Variants in NOMO3 observed in about 807,000 individuals in gnomAD.
NOMO3 encodes BOS complex subunit NOMO3.
A neutral mutation model predicts 69.9 loss-of-function variants in NOMO3; 15 were observed. That is an observed-to-expected ratio of 0.21 (90% CI 0.14 to 0.33). The LOEUF (loss-of-function observed/expected upper bound fraction) is 0.33, where lower values mean the gene tolerates loss of function less well. Ranked by LOEUF, NOMO3 falls within the 10% of genes least tolerant of loss-of-function variation. The pLI is 1.00. For synonymous variants in NOMO3, 89 were observed against 301.9 expected, an observed-to-expected ratio of 0.29 and a Z score of 7.31; for missense variants, 218 against 761.0, an observed-to-expected ratio of 0.29 and a Z score of 8.39.
intron 16 of NOMO3, among the ~76,000 whole-genome samples, chr16:16,269,131 C>A (rs2049642499): frequency 6.9e-6 from 1 of 144,142 alleles, no homozygotes; most frequent in Admixed American, 6.7e-5. Flanking sequence ...GGCCTTCTTA[C>A]CCATCAGTTC....
rs748173351 is a variant in NOMO3 at position 16,265,194 on chromosome 16, T to A, written c.1806+15T>A. 6.3e-7 allele frequency: 1 copy of A among 1,588,128 alleles called. No homozygotes were observed. The highest frequency in any genetic ancestry group is 1.6e-5 in the African/African-American group (1 of 61,750). On this transcript the variant is annotated intron_variant, in intron 15 of 30. Transcript: ENST00000399336. ...CCATCACTCTGGTATGTACGGCTTATGGAGTCTCTTATTTGGAAAAGCGCT... is the reference window on the plus strand; with the variant it reads ...CCATCACTCTGGTATGTACGGCTTAAGGAGTCTCTTATTTGGAAAAGCGCT...
At chr16:16,263,052 C>T (rs201790328) in intron 12 of NOMO3, 22 bp from the exon 13 acceptor site, 38,026 of 1,577,750 alleles carry the variant, frequency 0.024, 1,138 homozygotes, top group Non-Finnish European at 0.026. Context: ...CAGCCTCTAA[C>T]GTTCCATCCA....
Position 16,256,111 on chromosome 16 carries a change from CA to C in NOMO3, c.1177del (p.Ile393LeufsTer34). 2 of 1,586,960 alleles carry C rather than the reference CA, an allele frequency of 1.3e-6. 1 individual carries two copies. Among genetic ancestry groups the C allele is most frequent in the Non-Finnish European group, 1.7e-6 (2 of 1,174,614 alleles). On this transcript the variant is annotated frameshift_variant, in exon 11 of 31. Coordinates refer to ENST00000399336, the MANE Select transcript of NOMO3 (RefSeq NM_001004067.4). LOFTEE classifies it high-confidence loss of function. The part of the protein sequence containing the change: ...EHLYFETVTI[K>X]IAPNTPQLAD... ...ACCTCTACTTTGAAACGGTCACCATCAAAATTGCACCAAACACACCTCAGCT... is the reference window on the plus strand; with the variant it reads ...ACCTCTACTTTGAAACGGTCACCATCAAATTGCACCAAACACACCTCAGCT...
chr16:16,242,791 G>A (rs904743300), intron 3 of NOMO3, among the ~76,000 whole-genome samples: 3 of 143,874 alleles, frequency 2.1e-5, no homozygotes, highest in African/African-American at 8.4e-5. Context: ...AGGATTAAAG[G>A]CACTCAGCTC....
intron 12 of NOMO3, 136 bp from the exon 13 acceptor site, chr16:16,262,938 A>G: frequency 6.9e-7 from 1 of 1,456,936 alleles, no homozygotes. Context: ...TGTGATTGTA[A>G]AATCAGCCTG....
In NOMO3 at chr16:16,251,007, GCTCTGT is replaced by G. The variant is rs1210869699; in HGVS notation, c.664_669del (p.Ser222_Val223del). 1 of 936,556 alleles carries G rather than the reference GCTCTGT, an allele frequency of 1.1e-6. No homozygotes were observed. The highest frequency in any genetic ancestry group is 1.5e-6 in the Non-Finnish European group (1 of 655,082). The allele number at this position is 936,556 out of a possible 1,614,324, so 58.0% of individuals were successfully genotyped here. A position where few individuals can be genotyped will look rare whatever the true frequency, so the allele number is the denominator to read the frequency against. On this transcript the variant is annotated inframe_deletion, in exon 7 of 31. Transcript: ENST00000399336. ...ATAGTTGCTGGCTACAATGTGTCTG[GCTCTGT>G]CCGAAGTGATGGGGAGCCCATGAAA...
In NOMO3 at chr16:16,252,513, G is replaced by GA; in HGVS notation, c.958dup (p.Ile320AsnfsTer34). On this transcript the variant is annotated frameshift_variant, in exon 9 of 31. Transcript: ENST00000399336. LOFTEE classifies it high-confidence loss of function. The stretch of plus-strand genomic sequence containing the variant: ...ACTTCACAGTGGAGCATGACAGCTT[G>GA]AAAATCGAGGTAAGGCTTTTCTGTC... 1.1e-6 allele frequency: 1 copy of GA among 873,602 alleles called. No homozygotes were observed. Among genetic ancestry groups the GA allele is most frequent in the African/African-American group, 3.2e-5 (1 of 31,740 alleles). 54.1% of individuals were successfully genotyped at this position (873,602 alleles called of 1,614,324 possible). A position where few individuals can be genotyped will look rare whatever the true frequency, so the allele number is the denominator to read the frequency against.
chr16:16,263,003 C>T, intron 12 of NOMO3, 71 bp from the exon 13 acceptor site: 1 of 1,571,624 alleles, frequency 6.4e-7, no homozygotes, highest in South Asian at 1.2e-5. Context: ...GATGAATGTT[C>T]TAGCGCCCTG....
At position 16,236,187 on chromosome 16, in the gene NOMO3, G is replaced by C. The variant is rs569113101; in HGVS notation, c.166-714G>C. On this transcript the variant is annotated intron_variant, in intron 1 of 30. Transcript: ENST00000399336. ...GTAAGGAAGATTTCTGGCCCTCATT[G>C]CAGACCTTTAGTTGAGAAATAGAGG... 2.8e-3 allele frequency among the ~76,000 whole-genome samples: 402 copies of C among 146,132 alleles called. 53 individuals are homozygous for C. Among genetic ancestry groups the C allele is most frequent in the African/African-American group, 9.9e-3 (365 of 37,010 alleles).
intron 3 of NOMO3, among the ~76,000 whole-genome samples, chr16:16,241,124 A>G (rs2049370741): frequency 6.9e-6 from 1 of 144,046 alleles, no homozygotes; most frequent in Non-Finnish European, 1.5e-5. Context: ...ATAATAAGAT[A>G]GCACTTCACC....
rs750179595 is a variant in NOMO3 at position 16,269,429 on chromosome 16, A to ATTT, written c.1895-673_1895-671dup. Among the ~76,000 whole-genome samples the ATTT allele has an allele frequency of 4.5e-5, 5 of 111,472 alleles. 1 individual carries two copies. The highest frequency in any genetic ancestry group is 1.6e-4 in the African/African-American group (4 of 24,828). 73.1% of individuals were successfully genotyped at this position (111,472 alleles called of 152,430 possible). ...CAAACAAAACAAACAGAGAAACCTG[A>ATTT]TTTTTTTTTTTTTTTTTTTTTGATG... On this transcript the variant is annotated intron_variant, in intron 16 of 30. Transcript: ENST00000399336.
chr16:16,258,888 G>T (rs2141256669), intron 11 of NOMO3, among the ~76,000 whole-genome samples: 1 of 142,922 alleles, frequency 7.0e-6, no homozygotes, highest in African/African-American at 2.9e-5. Flanking sequence ...AGAGTTATCA[G>T]TTGGCAAGGG....
At chr16:16,269,408 C>T (rs996097366) in intron 16 of NOMO3, among the ~76,000 whole-genome samples, 1 of 138,786 alleles carries the variant, frequency 7.2e-6, no homozygotes, top group Non-Finnish European at 1.5e-5. Flanking sequence ...AAAGACCAAA[C>T]AAAACAAACA....
rs961617595 is a variant in NOMO3 at position 16,237,639 on chromosome 16, C to G, written c.255+649C>G. Among the ~76,000 whole-genome samples the G allele has an allele frequency of 8.4e-5, 12 of 142,954 alleles. 1 individual carries two copies. Among genetic ancestry groups the G allele is most frequent in the Non-Finnish European group, 1.2e-4 (8 of 67,212 alleles). 93.8% of individuals were successfully genotyped at this position (142,954 alleles called of 152,430 possible). On this transcript the variant is annotated intron_variant, in intron 2 of 30. Transcript: ENST00000399336. The stretch of plus-strand genomic sequence containing the variant: ...TCTTGCCTCACTCCAACCTCCACCC[C>G]CCAGGTTCAAGCCATTTTCCTTCCT...
At chr16:16,274,300 T>TG (rs1159269203) in intron 20 of NOMO3, among the ~76,000 whole-genome samples, 21 of 98,616 alleles carry the variant, frequency 2.1e-4, no homozygotes, top group Non-Finnish European at 4.1e-4. Flanking sequence ...GATGGATGGA[T>TG]GAATGAATGA....
In NOMO3 at chr16:16,263,497, C is replaced by A; in HGVS notation, c.1538-16C>A. The A allele has an allele frequency of 8.8e-7, 1 of 1,133,976 alleles. No individual in the cohort carries two copies. Among genetic ancestry groups the A allele is most frequent in the Non-Finnish European group, 1.2e-6 (1 of 838,814 alleles). The allele number at this position is 1,133,976 out of a possible 1,614,324, so 70.2% of individuals were successfully genotyped here. ...TATAAGGGGTCACATGGAGCCCTCC[C>A]TTCTTTTCCCTGCAGACACCTGTGG... On this transcript the variant is annotated splice_polypyrimidine_tract_variant and intron_variant, in intron 13 of 30. Coordinates refer to ENST00000399336, the MANE Select transcript of NOMO3 (RefSeq NM_001004067.4).
chr16:16,241,179 C>T (rs1016650968), intron 3 of NOMO3, among the ~76,000 whole-genome samples: 3 of 144,892 alleles, frequency 2.1e-5, no homozygotes, highest in Non-Finnish European at 3.0e-5. Context: ...AGCCATCCCG[C>T]CCCACCCTCC....
At chr16:16,263,038 A>G in intron 12 of NOMO3, 36 bp from the exon 13 acceptor site, 1 of 1,591,670 alleles carries the variant, frequency 6.3e-7, no homozygotes, top group South Asian at 1.1e-5. Flanking sequence ...GATCTCCCCG[A>G]ATGCAGCCTC....
Position 16,237,040 on chromosome 16 carries a change from C to T in NOMO3, c.255+50C>T, listed in dbSNP as rs771326259. ...ATGATGGGAAGTCACTAGTGTGCCT[C>T]ACCAGGCTGCATTAACCATGTCCTT... is the stretch of plus-strand genomic sequence containing the variant. On this transcript the variant is annotated intron_variant, in intron 2 of 30. Transcript: ENST00000399336. 19 of 1,587,294 alleles carry T rather than the reference C, an allele frequency of 1.2e-5. 4 individuals carry two copies. The highest frequency in any genetic ancestry group is 1.6e-5 in the Non-Finnish European group (19 of 1,173,118).
Sources: gnomAD v4.1 joint callset for allele counts (sites outside exome capture counted in the v4.1 genomes callset) on GRCh38, gnomAD v4.1.1 for gene constraint, MANE v1.5 for transcripts, NCBI Gene and HGNC (gene_info 2026-07-23, HGNC 2026-07-21) for gene names.